Variants in MAP2K6 observed in about 807,000 individuals in gnomAD.
MAP2K6 encodes the protein dual specificity mitogen-activated protein kinase kinase 6.
Under a neutral mutation model 53.7 loss-of-function variants are expected in MAP2K6, and 16 were observed. The ratio of observed to expected loss-of-function variants is 0.30; its 90% CI spans 0.20 to 0.45. The LOEUF (loss-of-function observed/expected upper bound fraction) is 0.45. Ranked by LOEUF, MAP2K6 falls within the 20% of genes least tolerant of loss-of-function variation. The pLI is 1.00. For synonymous variants in MAP2K6, 132 were observed against 143.1 expected (o/e 0.92, Z 0.55); for missense variants, 204 against 411.9 (o/e 0.50, Z 4.37).
At chr17:69,461,993 C>G (rs1907637213) in intron 1 of MAP2K6, among the ~76,000 whole-genome samples, 1 of 152,100 alleles carries the variant, frequency 6.6e-6, no homozygotes, top group Non-Finnish European at 1.5e-5. Flanking sequence ...TAGAAATTCG[C>G]AAGGAGGCAG....
chr17:69,505,869 T>C (rs779717875), intron 2 of MAP2K6, 23 bp downstream of exon 2: 1 of 1,602,912 alleles, frequency 6.2e-7, no homozygotes, highest in Non-Finnish European at 8.5e-7. Flanking sequence ...GACCATCATC[T>C]GAATCCAAAT....
chr17:69,497,975 T>G (rs897926075), intron 1 of MAP2K6, among the ~76,000 whole-genome samples: 9 of 152,034 alleles, frequency 5.9e-5, no homozygotes, highest in African/African-American at 2.2e-4. Context: ...TTGTCTTGCT[T>G]CTTCTCTCCT....
chr17:69,463,869 A>G (rs955659514), intron 1 of MAP2K6, among the ~76,000 whole-genome samples: 1 of 151,176 alleles, frequency 6.6e-6, no homozygotes, highest in Non-Finnish European at 1.5e-5. Context: ...AATACAAAAA[A>G]TTAGCCAGGG....
chr17:69,442,358 T>C (rs1325847804), intron 1 of MAP2K6, among the ~76,000 whole-genome samples: 1 of 152,108 alleles, frequency 6.6e-6, no homozygotes, highest in Non-Finnish European at 1.5e-5. Context: ...GCTCCCTAGA[T>C]CTTGCCTCTC....
chr17:69,428,589 C>A (rs1008769736), intron 1 of MAP2K6, among the ~76,000 whole-genome samples: 1 of 152,182 alleles, frequency 6.6e-6, no homozygotes, highest in Non-Finnish European at 1.5e-5. Context: ...CATAGTTCAA[C>A]CCATAACATG....
chr17:69,489,567 G>A (rs1908667777), intron 1 of MAP2K6, among the ~76,000 whole-genome samples: 1 of 152,150 alleles, frequency 6.6e-6, no homozygotes, highest in Admixed American at 6.5e-5. Context: ...TATTTCTTCA[G>A]GAGTTAAAAA....
chr17:69,424,630 G>C (rs1396285446), intron 1 of MAP2K6, among the ~76,000 whole-genome samples: 1 of 152,212 alleles, frequency 6.6e-6, no homozygotes, highest in Non-Finnish European at 1.5e-5. Flanking sequence ...CCAAAATAAA[G>C]GTATGAAATC....
chr17:69,488,327 C>T (rs914601959), intron 1 of MAP2K6, among the ~76,000 whole-genome samples: 16 of 152,030 alleles, frequency 1.1e-4, no homozygotes, highest in Admixed American at 2.0e-4. Flanking sequence ...TTAGTGGGAA[C>T]GTAAATTAGT....
chr17:69,471,725 T>C (rs1907987707), intron 1 of MAP2K6, among the ~76,000 whole-genome samples: 1 of 152,142 alleles, frequency 6.6e-6, no homozygotes, highest in African/African-American at 2.4e-5. Flanking sequence ...AATAAAAAAT[T>C]CCATAAATAA....
chr17:69,518,601 T>A (rs1181615858), intron 4 of MAP2K6, among the ~76,000 whole-genome samples: 1 of 152,252 alleles, frequency 6.6e-6, no homozygotes, highest in Admixed American at 6.5e-5. Flanking sequence ...AGATTGGGGC[T>A]ATTGTTAGGA....
intron 1 of MAP2K6, among the ~76,000 whole-genome samples, chr17:69,467,381 C>A (rs781400560): frequency 6.6e-6 from 1 of 152,180 alleles, no homozygotes; most frequent in African/African-American, 2.4e-5. Context: ...ATGTGGTGCT[C>A]ATTGGCTGAT....
chr17:69,541,696 AC>A lies in MAP2K6; in HGVS notation c.949del (p.His317MetfsTer12), dbSNP rs1366475052. 1 of 1,612,428 alleles carries A rather than the reference AC, an allele frequency of 6.2e-7. No homozygotes were observed. The highest frequency in any genetic ancestry group is 8.5e-7 in the Non-Finnish European group (1 of 1,178,836). ...TCCAGCAACATCCATTTTTCACCCT[AC>A]ATGAATCCAAAGGAACAGATGTGGC... ...ELMQHPFFTL[H>X]ESKGTDVASF... On this transcript the variant is annotated frameshift_variant, in exon 12 of 12. Transcript: ENST00000590474. LOFTEE classifies it high-confidence loss of function.
chr17:69,446,094 TG>T (rs1406078974), intron 1 of MAP2K6, among the ~76,000 whole-genome samples: 12 of 152,246 alleles, frequency 7.9e-5, no homozygotes, highest in African/African-American at 2.9e-4. Context: ...AAAGGTATTT[TG>T]GGTATGCAGC....
At chr17:69,474,440 G>C (rs969243683) in intron 1 of MAP2K6, among the ~76,000 whole-genome samples, 1 of 152,198 alleles carries the variant, frequency 6.6e-6, no homozygotes, top group Non-Finnish European at 1.5e-5. Flanking sequence ...AGGTGGCTGA[G>C]TAAAATCTTC....
intron 1 of MAP2K6, among the ~76,000 whole-genome samples, chr17:69,460,417 A>G (rs1907586571): frequency 6.6e-6 from 1 of 152,172 alleles, no homozygotes; most frequent in African/African-American, 2.4e-5. Context: ...GGTGCAGCTG[A>G]AGGAGTATTG....
At chr17:69,538,695 C>T (rs568334472) in intron 11 of MAP2K6, among the ~76,000 whole-genome samples, 9 of 152,182 alleles carry the variant, frequency 5.9e-5, no homozygotes, top group Non-Finnish European at 1.2e-4. Context: ...CCAAATGTTT[C>T]TCTCCCTAAC....
At chr17:69,449,348 G>A (rs2145156017) in intron 1 of MAP2K6, among the ~76,000 whole-genome samples, 1 of 151,606 alleles carries the variant, frequency 6.6e-6, no homozygotes, top group Non-Finnish European at 1.5e-5. Context: ...AAAAAGAAGT[G>A]GTATACAGCA....
intron 1 of MAP2K6, among the ~76,000 whole-genome samples, chr17:69,486,343 G>A (rs745822326): frequency 2.6e-5 from 4 of 152,164 alleles, no homozygotes; most frequent in Non-Finnish European, 5.9e-5. Flanking sequence ...TTAAGAGATG[G>A]AAGTTCTCCC....
At chr17:69,433,680 T>C (rs756553870) in intron 1 of MAP2K6, 4 of 152,222 alleles carry the variant, frequency 2.6e-5, no homozygotes, top group Non-Finnish European at 5.9e-5. Flanking sequence ...CTGCCAATGT[T>C]TGTGATGTAA....
Sources: allele counts gnomAD v4.1 joint callset (sites outside exome capture counted in the v4.1 genomes callset), GRCh38; gene constraint gnomAD v4.1.1; transcripts MANE v1.5; gene names NCBI Gene and HGNC (gene_info 2026-07-23, HGNC 2026-07-21).